RPL29: variants seen among roughly 807,000 people sequenced by gnomAD.
The protein encoded by RPL29 is ribosomal protein L29, also known as large ribosomal subunit protein eL29.
Under a neutral mutation model 7.2 loss-of-function variants are expected in RPL29, and 4 were observed. That is an observed-to-expected ratio of 0.55 (90% CI 0.27 to 1.26). The LOEUF is 1.26. Among genes scored for constraint, RPL29 ranks in the 50% most tolerant of loss-of-function variants. The probability of loss-of-function intolerance (pLI) is 0.11; values close to 1 mark genes in which losing one functional copy is unlikely to be tolerated. For synonymous variants in RPL29, 73 were observed against 72.8 expected (o/e 1.00, Z -0.01); for missense variants, 148 against 209.1 (o/e 0.71, Z 1.80).
chr3:51,993,675 C>G lies in RPL29; in HGVS notation c.*74G>C, dbSNP rs897534978. The G allele has an allele frequency of 2.1e-6, 3 of 1,423,110 alleles. No homozygotes were observed. The highest frequency in any genetic ancestry group is 2.8e-6 in the Non-Finnish European group (3 of 1,058,236). The allele number at this position is 1,423,110 out of a possible 1,614,324, so 88.2% of individuals were successfully genotyped here. On this transcript the variant is annotated 3_prime_UTR_variant, in exon 4 of 4. Transcript: ENST00000294189. ...CAAATAGCACAGGAGGACCCCAGCC[C>G]CATGCAGATGGTAGCCCAGGGGCGG...
intron 3 of RPL29, 37 bp downstream of exon 3, chr3:51,995,005 C>G: frequency 1.3e-6 from 2 of 1,578,364 alleles, no homozygotes; most frequent in South Asian, 1.1e-5. Context: ...CACCTGGAAC[C>G]AAGAAAAGAC....
intron 3 of RPL29, 91 bp from the exon 4 acceptor site, chr3:51,994,217 G>A (rs1265946098): frequency 2.1e-6 from 3 of 1,451,584 alleles, no homozygotes; most frequent in South Asian, 2.8e-5. Flanking sequence ...GCATTCTAAA[G>A]ACAGCATCAA....
At chr3:51,995,385 T>C (rs761349784) in intron 2 of RPL29, 40 bp downstream of exon 2, 5 of 1,612,238 alleles carry the variant, frequency 3.1e-6, no homozygotes, top group Non-Finnish European at 4.2e-6. Context: ...AACCAGTCCT[T>C]GCCAGGGTCT....
chr3:51,994,012 T>G lies in RPL29; in HGVS notation c.217A>C (p.Lys73Gln). 6.3e-7 allele frequency: 1 copy of G among 1,598,792 alleles called. No individual in the cohort carries two copies. Among genetic ancestry groups the G allele is most frequent in the South Asian group, 1.1e-5 (1 of 91,048 alleles). ...ACCTCCTTGGGCTTTACGAGGGCCT[T>G]GATAGCCTCGGCACGTGCACTCATG... ...KAMSARAEAI[K>Q]ALVKPKEVKP... The change falls in exon 4 of 4, where the codon AAG becomes CAG. Residue 73 changes from lysine to glutamine, a missense_variant. Physicochemically the swap from Lys to Gln is moderately conservative, Grantham distance 53. Transcript: ENST00000294189.
At position 51,994,018 on chromosome 3, in the gene RPL29, C is replaced by T. The variant is rs1055999922; in HGVS notation, c.211G>A (p.Ala71Thr). The T allele has an allele frequency of 5.6e-6, 9 of 1,598,922 alleles. No homozygotes were observed. The East Asian group carries it at 1.3e-4, about 24-fold the overall frequency. ...NAKAMSARAE[A>T]IKALVKPKEV... is the part of the protein sequence containing the mutation. ...TTGGGCTTTACGAGGGCCTTGATAG[C>T]CTCGGCACGTGCACTCATGGCCTTG... Residue 71 changes from alanine to threonine, a missense_variant, in exon 4 of 4, where the codon GCT becomes ACT. Transcript: ENST00000294189.
rs1065037 is a variant in RPL29, at chr3:51,993,946, G to A, written c.283C>T (p.Arg95Ter). 5 of 1,596,702 alleles carry A rather than the reference G, an allele frequency of 3.1e-6. No homozygotes were observed. Among genetic ancestry groups the A allele is most frequent in the East Asian group, 2.2e-5 (1 of 44,884 alleles). ...TTGGGGTGGGCAATGTAGGCAAGTC[G>A]ATCGAGCTTGCGGCTGACACCCTTT... is the stretch of plus-strand genomic sequence containing the variant. ...IPKGVSRKLD[R>*]LAYIAHPKLG... The change falls in exon 4 of 4, where the codon CGA becomes TGA. Residue 95 changes from arginine to a stop codon, truncating the protein, a stop_gained. Transcript: ENST00000294189. LOFTEE classifies it low-confidence loss of function (END_TRUNC).
chr3:51,995,316 C>A, intron 2 of RPL29, 109 bp downstream of exon 2: 1 of 1,256,186 alleles, frequency 8.0e-7, no homozygotes. Flanking sequence ...TGGGTGAAAT[C>A]AATCAGCCTC....
rs371633250 is a variant in RPL29, at chr3:51,993,712, C to T, written c.*37G>A. 4.4e-5 allele frequency: 67 copies of T among 1,532,888 alleles called. No homozygotes were observed. The highest frequency in any genetic ancestry group is 2.4e-4 in the Middle Eastern group (1 of 4,140). The allele number at this position is 1,532,888 out of a possible 1,614,324, so 95.0% of individuals were successfully genotyped here. ...TAGCCCAGGGGCGGGGGTGGGGGGT[C>T]GCACCAGTCCTTCTGTCCTCATGTT... On this transcript the variant is annotated 3_prime_UTR_variant, in exon 4 of 4. Transcript: ENST00000294189.
At chr3:51,994,659 CCT>C (rs1168621795) in intron 3 of RPL29, 8 of 575,184 alleles carry the variant, frequency 1.4e-5, no homozygotes, top group East Asian at 6.0e-5. Context: ...CTTAGAACCC[CCT>C]GACACAGGAA....
Position 51,993,614 on chromosome 3 carries a change from C to CA in RPL29, c.*134dup. The CA allele has an allele frequency of 3.2e-6, 3 of 948,266 alleles. No homozygotes were observed. Among genetic ancestry groups the CA allele is most frequent in the Non-Finnish European group, 4.7e-6 (3 of 634,750 alleles). 58.7% of individuals were successfully genotyped at this position (948,266 alleles called of 1,614,324 possible). A position where few individuals can be genotyped will look rare whatever the true frequency, so the allele number is the denominator to read the frequency against. ...CCAAACCCATCCCCAGGATCATAGA[C>CA]AGAGGCTAACAAATCCTGCCTCAGG... On this transcript the variant is annotated 3_prime_UTR_variant, in exon 4 of 4. Transcript: ENST00000294189.
chr3:51,995,249 G>A, intron 2 of RPL29, 143 bp from the exon 3 acceptor site: 1 of 967,840 alleles, frequency 1.0e-6, no homozygotes. Context: ...ACTACTAAAT[G>A]CAAAACACTC....
rs950942073 is a variant in RPL29, at chr3:51,995,868, G to A, written c.-20C>T. The A allele has an allele frequency of 6.6e-5, 15 of 226,926 alleles. No individual in the cohort carries two copies. Among genetic ancestry groups the A allele is most frequent in the Admixed American group, 1.6e-4 (3 of 19,002 alleles). The allele number at this position is 226,926 out of a possible 1,614,324, so 14.1% of individuals were successfully genotyped here. A position where few individuals can be genotyped will look rare whatever the true frequency, so the allele number is the denominator to read the frequency against. On this transcript the variant is annotated 5_prime_UTR_variant, in exon 1 of 4. Coordinates refer to ENST00000294189, the MANE Select transcript of RPL29 (RefSeq NM_000992.3). ...CGGCCAACACTCACCATAAGCCGCG[G>A]CTCCCGAAGCGCCTAGAACCGGAAG...
intron 3 of RPL29, chr3:51,994,436 TCCCC>T (rs1559785115): frequency 2.7e-6 from 1 of 373,406 alleles, no homozygotes; most frequent in African/African-American, 2.1e-5. Flanking sequence ...TTTCCTGACA[TCCCC>T]TCAGGGACAC....
At position 51,994,049 on chromosome 3, in the gene RPL29, G is replaced by A; in HGVS notation, c.180C>T (p.Asn60=). 1 of 1,601,144 alleles carries A rather than the reference G, an allele frequency of 6.2e-7. No homozygotes were observed. The highest frequency in any genetic ancestry group is 8.5e-7 in the Non-Finnish European group (1 of 1,179,078). Residue 60 remains asparagine, a synonymous_variant, in exon 4 of 4, where the codon AAC becomes AAT. Transcript: ENST00000294189. ...CACGTGCACTCATGGCCTTGGCATT[G>A]TTGGCCTGCATCTTCTTTAGGCCCT... ...NKKGLKKMQA[N]NAKAMSARAE...
chr3:51,993,817 C>T lies in RPL29; in HGVS notation c.412G>A (p.Ala138Thr), dbSNP rs1701279435. ...KAKDQTKAQAAAPASVPAQAP... is the reference protein window; with the variant it reads ...KAKDQTKAQATAPASVPAQAP... Reference sequence around the variant, plus strand: ...TGAGCTGGAACTGAAGCTGGGGCTGCAGCCTGGGCCTTGGTTTGATCCTTG... The same window carrying T: ...TGAGCTGGAACTGAAGCTGGGGCTGTAGCCTGGGCCTTGGTTTGATCCTTG... Residue 138 changes from alanine (A) to threonine (T), a missense_variant, in exon 4 of 4, where the codon GCA (alanine) becomes ACA (threonine). By Grantham distance (58) the Ala-to-Thr change is moderately conservative (BLOSUM62 0). Transcript: ENST00000294189. The T allele has an allele frequency of 5.6e-6, 9 of 1,594,504 alleles. No individual in the cohort carries two copies. Among genetic ancestry groups the T allele is most frequent in the Non-Finnish European group, 7.6e-6 (9 of 1,178,580 alleles).
In RPL29 at chr3:51,993,877, G is replaced by A; in HGVS notation, c.352C>T (p.Leu118=). ...ARARIAKGLR[L]CRPKAKAKAK... ...TTGGCCTTGGCCTTTGGCCGGCACA[G>A]CCTGAGCCCCTTGGCAATACGGGCA... Residue 118 remains leucine, a synonymous_variant, in exon 4 of 4, where the codon CTG becomes TTG. Coordinates refer to ENST00000294189, the MANE Select transcript of RPL29 (RefSeq NM_000992.3). 1.3e-6 allele frequency: 2 copies of A among 1,595,828 alleles called. No individual in the cohort carries two copies. Among genetic ancestry groups the A allele is most frequent in the Non-Finnish European group, 1.7e-6 (2 of 1,179,188 alleles).
rs1292917814 is a variant in RPL29, at chr3:51,995,544, G to A, written c.-8-75C>T. ...ACCTCTGCCCCCCCCATTCTGGTCA[G>A]AATGAGCCTGCAGGCAGAGAATGTG... is the stretch of plus-strand genomic sequence containing the variant. On this transcript the variant is annotated intron_variant, in intron 1 of 3. Transcript: ENST00000294189. 2.4e-5 allele frequency: 33 copies of A among 1,402,888 alleles called. 1 individual carries two copies. In the South Asian group the frequency reaches 3.4e-4, roughly 14 times the overall value. 86.9% of individuals were successfully genotyped at this position (1,402,888 alleles called of 1,614,324 possible).
intron 3 of RPL29, chr3:51,994,494 T>C: frequency 3.0e-6 from 1 of 331,794 alleles, no homozygotes; most frequent in East Asian, 6.2e-5. Flanking sequence ...ATACCAAGTC[T>C]GGTCCAAAAG....
chr3:51,994,464 T>C (rs1247651042), intron 3 of RPL29: 1 of 336,130 alleles, frequency 3.0e-6, no homozygotes, highest in Non-Finnish European at 5.5e-6. Flanking sequence ...CTCCCCTCTT[T>C]AGAAGAAGGT....
Sources: allele counts gnomAD v4.1 joint callset, GRCh38; gene constraint gnomAD v4.1.1; transcripts MANE v1.5; gene names NCBI Gene and HGNC (gene_info 2026-07-23, HGNC 2026-07-21).